Variants in TYW1B observed in about 807,000 individuals in gnomAD.
The protein encoded by TYW1B is S-adenosyl-L-methionine-dependent tRNA 4-demethylwyosine synthase TYW1B.
A neutral mutation model predicts 86.9 loss-of-function variants in TYW1B; 73 were observed. The ratio of observed to expected loss-of-function variants is 0.84; its 90% confidence interval spans 0.70 to 1.02. TYW1B has a LOEUF of 1.02. Ranked by LOEUF, TYW1B falls within the 50% of genes least tolerant of loss-of-function variation. TYW1B has a pLI of 0.00. For synonymous variants in TYW1B, 248 were observed against 292.8 expected, an observed-to-expected ratio of 0.85 and a Z score of 1.56; for missense variants, 637 against 827.4, an observed-to-expected ratio of 0.77 and a Z score of 2.82.
At chr7:72,644,195 G>C (rs117793945) in intron 11 of TYW1B, among the ~76,000 whole-genome samples, 1,709 of 152,186 alleles carry the variant, frequency 0.011, 4 homozygotes, top group Non-Finnish European at 0.018. Flanking sequence ...ATTGATAATA[G>C]ATAGTCACAT....
chr7:72,667,031 C>CAATAAAAA (rs1813480761), intron 11 of TYW1B, among the ~76,000 whole-genome samples: 1 of 42,376 alleles, frequency 2.4e-5, no homozygotes, highest in Non-Finnish European at 3.8e-5. Flanking sequence ...GACTCCGTCT[C>CAATAAAAA]AAAAAAAAAA....
chr7:72,751,956 A>G lies in TYW1B; in HGVS notation c.965-7355T>C, dbSNP rs190786872. ...CAGACTGGCCCACTGGGAGTCTCTCAGTGGAGAAGGAGAATGTCAGGCCAG... is the reference window on the plus strand; with the variant it reads ...CAGACTGGCCCACTGGGAGTCTCTCGGTGGAGAAGGAGAATGTCAGGCCAG... On this transcript the variant is annotated intron_variant, in intron 7 of 13. Coordinates refer to ENST00000620995, the MANE Select transcript of TYW1B (RefSeq NM_001145440.3). Among the ~76,000 whole-genome samples, 747 of 152,324 alleles carry G rather than the reference A, an allele frequency of 4.9e-3. 3 individuals carry two copies. The highest frequency in any genetic ancestry group is 9.9e-3 in the South Asian group (48 of 4,832).
intron 12 of TYW1B, among the ~76,000 whole-genome samples, chr7:72,618,227 A>ATTTTTTTTTTTTTTTTTT (rs869158136): frequency 9.6e-6 from 1 of 103,938 alleles, no homozygotes. Context: ...ATGACACTGA[A>ATTTTTTTTTTTTTTTTTT]TTTTTTTTTT....
At chr7:72,686,346 T>C (rs1257927925) in intron 11 of TYW1B, among the ~76,000 whole-genome samples, 13 of 152,152 alleles carry the variant, frequency 8.5e-5, no homozygotes, top group Non-Finnish European at 1.6e-4. Context: ...CTGTGGTACA[T>C]CCAGACAATG....
chr7:72,702,986 C>CTATCTA lies in TYW1B; in HGVS notation c.1371-8165_1371-8164insTAGATA, dbSNP rs1452738770. On this transcript the variant is annotated intron_variant, in intron 10 of 13. Transcript: ENST00000620995. ...TATCATCATTCATCTATCTATCTAT[C>CTATCTA]TATATATATATATATATATATATAT... is the stretch of plus-strand genomic sequence containing the variant. Among the ~76,000 whole-genome samples the CTATCTA allele has an allele frequency of 1.7e-4, 6 of 36,316 alleles. No individual in the cohort carries two copies. The Admixed American group carries it at 1.9e-3, about 12-fold the overall frequency. 23.8% of individuals were successfully genotyped at this position (36,316 alleles called of 152,430 possible).
chr7:72,612,498 A>G (rs185662965), intron 13 of TYW1B, among the ~76,000 whole-genome samples: 19 of 152,308 alleles, frequency 1.2e-4, no homozygotes, highest in Admixed American at 1.2e-3. Flanking sequence ...AAGAAGCGAG[A>G]TACTGCATTG....
Position 72,807,345 on chromosome 7 carries a change from A to T in TYW1B, c.444T>A (p.Asn148Lys), listed in dbSNP as rs1788518074. The T allele has an allele frequency of 6.2e-7, 1 of 1,610,932 alleles. No homozygotes were observed. Among genetic ancestry groups the T allele is most frequent in the Non-Finnish European group, 8.5e-7 (1 of 1,177,338 alleles). Reference protein sequence around the residue: ...YASHFNKVGKNVDKWLWMLGV... With the variant: ...YASHFNKVGKKVDKWLWMLGV... The stretch of plus-strand genomic sequence containing the variant: ...CAAGCATCCAGAGCCACTTGTCAAC[A>T]TTTTTGCCAACCTGCGAGGAAAAGA... The change falls in exon 5 of 14, where the codon AAT (asparagine) becomes AAA (lysine). Residue 148 changes from asparagine (N) to lysine (K), a missense_variant. Coordinates refer to ENST00000620995, the MANE Select transcript of TYW1B (RefSeq NM_001145440.3).
intron 13 of TYW1B, among the ~76,000 whole-genome samples, chr7:72,610,134 A>G (rs1207900549): frequency 2.6e-5 from 4 of 152,182 alleles, no homozygotes; most frequent in African/African-American, 4.8e-5. Flanking sequence ...CTCTTGACCT[A>G]CAGGTCTTGT....
chr7:72,801,636 T>C (rs1788404926), intron 6 of TYW1B, among the ~76,000 whole-genome samples: 1 of 152,176 alleles, frequency 6.6e-6, no homozygotes, highest in Non-Finnish European at 1.5e-5. Context: ...CTGTTATTTT[T>C]ATAGTATAGT....
chr7:72,710,501 T>C (rs548211752), intron 10 of TYW1B, among the ~76,000 whole-genome samples: 116 of 152,360 alleles, frequency 7.6e-4, no homozygotes, highest in Non-Finnish European at 1.4e-3. Flanking sequence ...TGGTAGCTAA[T>C]AATTTTAATC....
At chr7:72,623,589 T>C (rs1485342060) in intron 12 of TYW1B, among the ~76,000 whole-genome samples, 1 of 152,196 alleles carries the variant, frequency 6.6e-6, no homozygotes, top group Non-Finnish European at 1.5e-5. Flanking sequence ...ACTAGGACCA[T>C]GGAGTACTTC....
chr7:72,757,126 G>A (rs1787604414), intron 7 of TYW1B, among the ~76,000 whole-genome samples: 1 of 152,100 alleles, frequency 6.6e-6, no homozygotes, highest in South Asian at 2.1e-4. Context: ...CTAGCACTTT[G>A]GGAGGTTCAG....
At chr7:72,817,333 A>G (rs1563104961) in intron 2 of TYW1B, among the ~76,000 whole-genome samples, 1 of 152,066 alleles carries the variant, frequency 6.6e-6, no homozygotes, top group Non-Finnish European at 1.5e-5. Context: ...GCTCGAACCC[A>G]GGAGGCGGAG....
chr7:72,797,916 T>C (rs1173497773), intron 6 of TYW1B, among the ~76,000 whole-genome samples: 76 of 151,854 alleles, frequency 5.0e-4, no homozygotes, highest in African/African-American at 1.7e-3. Flanking sequence ...CAGAATTGAA[T>C]TGAACTACAG....
At chr7:72,635,185 T>G (rs1554440577) in intron 11 of TYW1B, among the ~76,000 whole-genome samples, 1 of 152,192 alleles carries the variant, frequency 6.6e-6, no homozygotes, top group African/African-American at 2.4e-5. Context: ...TTAAACTTAT[T>G]TAACATATGG....
At chr7:72,819,953 T>C (rs1554480141) in intron 2 of TYW1B, among the ~76,000 whole-genome samples, 1 of 151,966 alleles carries the variant, frequency 6.6e-6, no homozygotes, top group Non-Finnish European at 1.5e-5. Flanking sequence ...CAGAAGAGAT[T>C]GGGGCCTATA....
intron 8 of TYW1B, among the ~76,000 whole-genome samples, chr7:72,735,877 A>T (rs1303509846): frequency 6.6e-6 from 1 of 151,862 alleles, no homozygotes; most frequent in African/African-American, 2.4e-5. Flanking sequence ...AAAAAAAAAA[A>T]AAAAATTCAC....
intron 7 of TYW1B, among the ~76,000 whole-genome samples, chr7:72,761,867 T>C (rs971398957): frequency 1.8e-4 from 27 of 151,814 alleles, no homozygotes; most frequent in Non-Finnish European, 2.4e-4. Flanking sequence ...TAAGGAAGTG[T>C]AGGATAAAGC....
intron 9 of TYW1B, among the ~76,000 whole-genome samples, chr7:72,726,935 G>A (rs1249587247): frequency 2.0e-5 from 3 of 152,114 alleles, no homozygotes; most frequent in Non-Finnish European, 4.4e-5. Flanking sequence ...AAGGAGAAGT[G>A]CAGAGCAAAG....
Sources: gnomAD v4.1 joint callset for allele counts (sites outside exome capture counted in the v4.1 genomes callset) on GRCh38, gnomAD v4.1.1 for gene constraint, MANE v1.5 for transcripts, NCBI Gene and HGNC (gene_info 2026-07-23, HGNC 2026-07-21) for gene names.